Variants in LRMDA observed in about 807,000 individuals in gnomAD.
LRMDA encodes the protein leucine-rich melanocyte differentiation-associated protein.
A neutral mutation model predicts 29.8 loss-of-function variants in LRMDA; 18 were observed. The ratio of observed to expected loss-of-function variants is 0.60; its 90% CI spans 0.42 to 0.90. The LOEUF is 0.90. Ranked by LOEUF, LRMDA falls within the 40% of genes least tolerant of loss-of-function variation. LRMDA has a pLI of 0.00. For missense variants in LRMDA, 273 were observed against 273.9 expected (o/e 1.00, Z 0.02); for synonymous variants, 125 against 109.4 (o/e 1.14, Z -0.89).
chr10:75,690,839 G>A (rs185801929), intron 2 of LRMDA, among the ~76,000 whole-genome samples: 4 of 150,890 alleles, frequency 2.7e-5, no homozygotes, highest in Admixed American at 1.3e-4. Context: ...TGAGCATGGC[G>A]GTGTGCACCT....
intron 2 of LRMDA, among the ~76,000 whole-genome samples, chr10:75,673,074 C>G (rs1246925357): frequency 6.6e-6 from 1 of 151,874 alleles, no homozygotes; most frequent in East Asian, 1.9e-4. Flanking sequence ...CCGCTTCCTG[C>G]TGCTGGTATG....
At chr10:75,618,503 CAT>C (rs1236658463) in intron 2 of LRMDA, among the ~76,000 whole-genome samples, 1 of 89,496 alleles carries the variant, frequency 1.1e-5, no homozygotes, top group African/African-American at 4.6e-5. Context: ...ATATATCAAC[CAT>C]ATATATTATA....
intron 2 of LRMDA, among the ~76,000 whole-genome samples, chr10:75,874,918 A>T (rs1201348998): frequency 6.6e-6 from 1 of 152,260 alleles, no homozygotes; most frequent in East Asian, 1.9e-4. Context: ...AATTCAGTTC[A>T]GTGAGCCTAA....
At chr10:75,722,187 C>T (rs1842576938) in intron 2 of LRMDA, among the ~76,000 whole-genome samples, 2 of 152,030 alleles carry the variant, frequency 1.3e-5, no homozygotes, top group African/African-American at 4.8e-5. Context: ...CATCCTAGGG[C>T]CTGCCAATAT....
chr10:76,077,236 C>T (rs1213074128), intron 5 of LRMDA, among the ~76,000 whole-genome samples: 1 of 152,184 alleles, frequency 6.6e-6, no homozygotes, highest in South Asian at 2.1e-4. Flanking sequence ...GAGCCAGGCA[C>T]CATCCTCCTA....
At chr10:75,968,768 TTTGGA>T (rs1286396893) in intron 2 of LRMDA, among the ~76,000 whole-genome samples, 2 of 152,176 alleles carry the variant, frequency 1.3e-5, no homozygotes, top group Non-Finnish European at 2.9e-5. Flanking sequence ...TTAGGTATCT[TTTGGA>T]GGGTGAATTA....
chr10:76,210,214 A>G lies in LRMDA; in HGVS notation c.517-114187A>G, dbSNP rs1266822535. The stretch of plus-strand genomic sequence containing the variant: ...TGTCCAACCCCTTCAATCTTTATTA[A>G]TACTTTAATTATGTTAATTATACCA... On this transcript the variant is annotated intron_variant, in intron 5 of 6. Coordinates refer to ENST00000611255, the MANE Select transcript of LRMDA (RefSeq NM_001305581.2). Among the ~76,000 whole-genome samples, 6 of 152,310 alleles carry G rather than the reference A, an allele frequency of 3.9e-5. No individual in the cohort carries two copies. The East Asian group carries it at 1.2e-3, about 29-fold the overall frequency.
chr10:76,299,933 A>T (rs1840460280), intron 5 of LRMDA, among the ~76,000 whole-genome samples: 1 of 152,184 alleles, frequency 6.6e-6, no homozygotes, highest in Non-Finnish European at 1.5e-5. Context: ...TTGTAAAGGA[A>T]ATAATACTTC....
chr10:75,812,941 A>T (rs1356379174), intron 2 of LRMDA, among the ~76,000 whole-genome samples: 1 of 152,214 alleles, frequency 6.6e-6, no homozygotes, highest in African/African-American at 2.4e-5. Flanking sequence ...GAACCAAAGT[A>T]GGAGCAGAGC....
intron 5 of LRMDA, among the ~76,000 whole-genome samples, chr10:76,272,631 G>C (rs1840082024): frequency 6.6e-6 from 1 of 152,170 alleles, no homozygotes; most frequent in South Asian, 2.1e-4. Flanking sequence ...CTATTCCCCA[G>C]AATATACATT....
chr10:75,627,404 T>A (rs1351273415), intron 2 of LRMDA, among the ~76,000 whole-genome samples: 1 of 152,162 alleles, frequency 6.6e-6, no homozygotes, highest in Non-Finnish European at 1.5e-5. Context: ...TTTGAAGATA[T>A]GGAAAAAGAT....
chr10:75,902,359 G>A (rs1217211983), intron 2 of LRMDA, among the ~76,000 whole-genome samples: 1 of 152,136 alleles, frequency 6.6e-6, no homozygotes, highest in Non-Finnish European at 1.5e-5. Flanking sequence ...AAATGCCCTT[G>A]TTCCCTGGAC....
chr10:75,689,004 A>T (rs1173884057), intron 2 of LRMDA, among the ~76,000 whole-genome samples: 1 of 152,102 alleles, frequency 6.6e-6, no homozygotes, highest in East Asian at 1.9e-4. Context: ...TTTTTACAGT[A>T]ACATAACTTT....
intron 5 of LRMDA, among the ~76,000 whole-genome samples, chr10:76,188,441 CTTG>C (rs771849362): frequency 6.6e-6 from 1 of 152,162 alleles, no homozygotes; most frequent in Non-Finnish European, 1.5e-5. Context: ...TTAGACCCTT[CTTG>C]TTGTGTTGGT....
intron 6 of LRMDA, among the ~76,000 whole-genome samples, chr10:76,550,893 G>C (rs1227502342): frequency 6.6e-6 from 1 of 152,166 alleles, no homozygotes; most frequent in African/African-American, 2.4e-5. Context: ...TGTTGTGCTA[G>C]GAGCCTGTCA....
At chr10:75,677,282 T>C (rs1357525489) in intron 2 of LRMDA, among the ~76,000 whole-genome samples, 2 of 152,172 alleles carry the variant, frequency 1.3e-5, no homozygotes, top group Non-Finnish European at 2.9e-5. Flanking sequence ...CCAGAAGAGT[T>C]ACACGGGCTG....
chr10:75,713,648 C>T (rs978257962), intron 2 of LRMDA, among the ~76,000 whole-genome samples: 11 of 152,142 alleles, frequency 7.2e-5, no homozygotes, highest in African/African-American at 2.7e-4. Context: ...TCAAAATGAG[C>T]CACAGACTTT....
At position 75,817,654 on chromosome 10, in the gene LRMDA, G is replaced by C. The variant is rs570621305; in HGVS notation, c.132-218354G>C. ...TAAAGACACAAAGACAATGGATGTG[G>C]TATGTATAAAAGAGAAGACACACAT... On this transcript the variant is annotated intron_variant, in intron 2 of 6. Coordinates refer to ENST00000611255, the MANE Select transcript of LRMDA (RefSeq NM_001305581.2). 3.3e-5 allele frequency among the ~76,000 whole-genome samples: 5 copies of C among 152,304 alleles called. No homozygotes were observed. The South Asian group carries it at 1.0e-3, about 32-fold the overall frequency.
chr10:75,988,939 G>T (rs1183803261), intron 2 of LRMDA, among the ~76,000 whole-genome samples: 4 of 152,106 alleles, frequency 2.6e-5, no homozygotes, highest in Non-Finnish European at 4.4e-5. Flanking sequence ...TAAAAGATGT[G>T]TCCTTTGCAC....
Sources: gnomAD v4.1 joint callset for allele counts (sites outside exome capture counted in the v4.1 genomes callset) on GRCh38, gnomAD v4.1.1 for gene constraint, MANE v1.5 for transcripts, NCBI Gene and HGNC (gene_info 2026-07-23, HGNC 2026-07-21) for gene names.